Variants in DLGAP2 observed in about 807,000 individuals in gnomAD.
DLGAP2 encodes DLG associated protein 2, also known as disks large-associated protein 2.
DLGAP2 carries 26 observed loss-of-function variants against 100.3 expected under a neutral mutation model. That is an observed-to-expected ratio of 0.26 (90% CI 0.19 to 0.36). DLGAP2 has a LOEUF of 0.36. Among genes scored for constraint, DLGAP2 ranks in the 10% least tolerant of loss-of-function variants. The probability of loss-of-function intolerance (pLI) is 1.00; values close to 1 mark genes in which losing one functional copy is unlikely to be tolerated. For missense variants in DLGAP2, 1,858 were observed against 1,453.2 expected, an observed-to-expected ratio of 1.28 and a Z score of -4.53; for synonymous variants, 886 against 630.1, an observed-to-expected ratio of 1.41 and a Z score of -6.08.
chr8:1,563,153 T>C (rs1262066848), intron 5 of DLGAP2, among the ~76,000 whole-genome samples: 65 of 51,796 alleles, frequency 1.3e-3, no homozygotes, highest in African/African-American at 4.5e-3. Context: ...GGTGTTGGGG[T>C]GTCCGCGCCT....
At chr8:1,595,074 C>T (rs1385822978) in intron 6 of DLGAP2, among the ~76,000 whole-genome samples, 5 of 151,892 alleles carry the variant, frequency 3.3e-5, no homozygotes, top group African/African-American at 1.2e-4. Flanking sequence ...CAAGATCTTG[C>T]TCTGTCACCC....
Position 1,258,488 on chromosome 8 carries a change from G to C in DLGAP2, c.74-363G>C, listed in dbSNP as rs571952560. Among the ~76,000 whole-genome samples, 211 of 152,172 alleles carry C rather than the reference G, an allele frequency of 1.4e-3. 1 individual carries two copies. Among genetic ancestry groups the C allele is most frequent in the Non-Finnish European group, 2.4e-3 (163 of 68,016 alleles). On this transcript the variant is annotated intron_variant, in intron 2 of 14. Coordinates refer to ENST00000637795, the MANE Select transcript of DLGAP2 (RefSeq NM_001346810.2). ...ATTAGAACAAATACCTATTGCATGCGGGGCTTAAAACCTGGATGATGGATT... is the reference window on the plus strand; with the variant it reads ...ATTAGAACAAATACCTATTGCATGCCGGGCTTAAAACCTGGATGATGGATT...
At chr8:1,579,973 C>G (rs1038034185) in intron 6 of DLGAP2, among the ~76,000 whole-genome samples, 1 of 152,184 alleles carries the variant, frequency 6.6e-6, no homozygotes, top group Admixed American at 6.5e-5. Flanking sequence ...AGCTCTGCAC[C>G]TGACCTGATG....
intron 2 of DLGAP2, among the ~76,000 whole-genome samples, chr8:1,110,224 C>A (rs1365418452): frequency 1.9e-4 from 20 of 106,788 alleles, no homozygotes; most frequent in Non-Finnish European, 2.1e-4. Context: ...GTGCATGGGT[C>A]TGTGACGTGT....
At chr8:1,509,206 C>T (rs1199026080) in intron 4 of DLGAP2, among the ~76,000 whole-genome samples, 1 of 152,010 alleles carries the variant, frequency 6.6e-6, no homozygotes, top group African/African-American at 2.4e-5. Context: ...TGGCGGGCGC[C>T]TGTAATCCCA....
chr8:1,352,298 G>C (rs1801753156), intron 3 of DLGAP2, among the ~76,000 whole-genome samples: 1 of 146,540 alleles, frequency 6.8e-6, no homozygotes, highest in Non-Finnish European at 1.5e-5. Flanking sequence ...CTGAGCGTGT[G>C]TGTGGAAAGG....
intron 2 of DLGAP2, among the ~76,000 whole-genome samples, chr8:1,119,592 C>T (rs1795987952): frequency 6.6e-6 from 1 of 152,196 alleles, no homozygotes; most frequent in Non-Finnish European, 1.5e-5. Context: ...GGGTGCCGTG[C>T]CTGGAACTGG....
chr8:1,293,605 C>T (rs1161975452), intron 3 of DLGAP2, among the ~76,000 whole-genome samples: 2 of 152,168 alleles, frequency 1.3e-5, no homozygotes, highest in African/African-American at 2.4e-5. Context: ...TTGTCACAGC[C>T]TCAGCCATTA....
chr8:1,583,494 C>A lies in DLGAP2; in HGVS notation c.1442+17600C>A, dbSNP rs2956933. On this transcript the variant is annotated intron_variant, in intron 6 of 14. Coordinates refer to ENST00000637795, the MANE Select transcript of DLGAP2 (RefSeq NM_001346810.2). ...CTGTGCCTCCGTAGGCAGGGAGCGT[C>A]GGGGCTGCTTTTGAGACCTTGCAGA... is the stretch of plus-strand genomic sequence containing the variant. Among the ~76,000 whole-genome samples, 755 of 152,240 alleles carry A rather than the reference C, an allele frequency of 5.0e-3. 4 individuals are homozygous for A. Among genetic ancestry groups the A allele is most frequent in the Middle Eastern group, 0.01 (3 of 294 alleles).
intron 1 of DLGAP2, among the ~76,000 whole-genome samples, chr8:792,437 G>C (rs967483910): frequency 1.3e-5 from 2 of 152,244 alleles, no homozygotes; most frequent in Middle Eastern, 3.4e-3. Flanking sequence ...TACTAAAATT[G>C]ATCCTGGATG....
intron 3 of DLGAP2, among the ~76,000 whole-genome samples, chr8:1,500,705 CT>C (rs1465932080): frequency 6.6e-6 from 1 of 152,266 alleles, no homozygotes. Context: ...ACCCCAAGAC[CT>C]TTTACAGCCA....
chr8:1,326,293 T>C (rs1801019095), intron 3 of DLGAP2, among the ~76,000 whole-genome samples: 2 of 152,248 alleles, frequency 1.3e-5, no homozygotes, highest in Admixed American at 1.3e-4. Flanking sequence ...TGTATTTCAC[T>C]ATTGCACATA....
intron 1 of DLGAP2, among the ~76,000 whole-genome samples, chr8:885,155 C>G (rs1439949886): frequency 6.6e-6 from 1 of 152,132 alleles, no homozygotes; most frequent in Non-Finnish European, 1.5e-5. Context: ...ATAGTTTTTT[C>G]AAATTCTGTG....
chr8:1,686,788 G>A (rs1338552595), intron 12 of DLGAP2, among the ~76,000 whole-genome samples: 1 of 152,300 alleles, frequency 6.6e-6, no homozygotes, highest in East Asian at 1.9e-4. Flanking sequence ...CAGTTAGGTG[G>A]AAGAAATAAG....
At chr8:891,784 G>A (rs372576107) in intron 1 of DLGAP2, among the ~76,000 whole-genome samples, 54 of 152,206 alleles carry the variant, frequency 3.5e-4, no homozygotes, top group African/African-American at 1.2e-3. Flanking sequence ...AGCCCAGGAC[G>A]GGGAGGGCCT....
chr8:1,307,722 T>C (rs1800522042), intron 3 of DLGAP2, among the ~76,000 whole-genome samples: 2 of 152,136 alleles, frequency 1.3e-5, no homozygotes, highest in Non-Finnish European at 2.9e-5. Flanking sequence ...TGGCACAATA[T>C]AGATGAACCC....
At chr8:1,632,760 G>A in intron 7 of DLGAP2, 67 bp from the exon 8 acceptor site, 1 of 1,496,260 alleles carries the variant, frequency 6.7e-7, no homozygotes, top group Admixed American at 2.1e-5. Context: ...GCGCTCTCCT[G>A]GCTTTTCTGT....
At chr8:1,440,415 TGGCAC>T (rs879358167) in intron 3 of DLGAP2, among the ~76,000 whole-genome samples, 13 of 152,196 alleles carry the variant, frequency 8.5e-5, no homozygotes, top group Non-Finnish European at 1.8e-4. Context: ...ACCAGCTGGA[TGGCAC>T]ACAGGCACTC....
chr8:1,410,867 C>G (rs188246835), intron 3 of DLGAP2, among the ~76,000 whole-genome samples: 37 of 142,800 alleles, frequency 2.6e-4, no homozygotes, highest in African/African-American at 9.1e-4. Flanking sequence ...TCCTTGTTTT[C>G]AGTTGTCTTA....
Sources: gnomAD v4.1 joint callset for allele counts (sites outside exome capture counted in the v4.1 genomes callset) on GRCh38, gnomAD v4.1.1 for gene constraint, MANE v1.5 for transcripts, NCBI Gene and HGNC (gene_info 2026-07-23, HGNC 2026-07-21) for gene names.